Variants in GRIP1 observed in about 807,000 individuals in gnomAD.
The protein encoded by GRIP1 is glutamate receptor interacting protein 1, also known as glutamate receptor-interacting protein 1.
GRIP1 carries 45 observed loss-of-function variants against 129.9 expected under a neutral mutation model. The ratio of observed to expected loss-of-function variants is 0.35; its 90% CI spans 0.27 to 0.44. GRIP1 has a LOEUF of 0.44. Ranked by LOEUF, GRIP1 falls within the 20% of genes least tolerant of loss-of-function variation. The probability of loss-of-function intolerance (pLI) is 1.00; values close to 1 mark genes in which losing one functional copy is unlikely to be tolerated. For synonymous variants in GRIP1, 530 were observed against 520.8 expected (o/e 1.02, Z -0.24); for missense variants, 1,196 against 1,396.8 (o/e 0.86, Z 2.29).
chr12:66,909,134 T>C (rs1053814370), intron 1 of GRIP1, among the ~76,000 whole-genome samples: 3 of 152,238 alleles, frequency 2.0e-5, no homozygotes, highest in Non-Finnish European at 4.4e-5. Context: ...AAAAATCTCC[T>C]TCCTTCTCTC....
At chr12:66,833,267 T>C (rs1372077911) in intron 1 of GRIP1, among the ~76,000 whole-genome samples, 3 of 152,194 alleles carry the variant, frequency 2.0e-5, no homozygotes, top group Non-Finnish European at 4.4e-5. Context: ...CCTTCTGGAA[T>C]ATCCAGCTTC....
At chr12:66,790,209 T>C (rs1046682287) in intron 1 of GRIP1, among the ~76,000 whole-genome samples, 1 of 152,154 alleles carries the variant, frequency 6.6e-6, no homozygotes, top group Non-Finnish European at 1.5e-5. Flanking sequence ...GCGCAATCAA[T>C]GGTTATTGAA....
At chr12:66,597,061 C>T in intron 1 of GRIP1, 134 bp from the exon 2 acceptor site, 1 of 735,466 alleles carries the variant, frequency 1.4e-6, no homozygotes. Flanking sequence ...GGCCTGGGTC[C>T]TATACTTGGG....
chr12:66,810,186 A>C lies in GRIP1; in HGVS notation c.59-213259T>G, dbSNP rs1187470324. ...AAACCAGTATATTCACTGTACACTA[A>C]AACTGAAAAATACTTCATGTCTGTA... On this transcript the variant is annotated intron_variant, in intron 1 of 1. Coordinates refer to the GRIP1 transcript ENST00000643019. 2.6e-5 allele frequency among the ~76,000 whole-genome samples: 4 copies of C among 152,188 alleles called. 1 individual carries two copies. In the South Asian group the frequency reaches 8.3e-4, roughly 32 times the overall value.
chr12:66,614,389 A>G (rs2064946865), intron 1 of GRIP1, among the ~76,000 whole-genome samples: 1 of 152,002 alleles, frequency 6.6e-6, no homozygotes, highest in South Asian at 2.1e-4. Context: ...TAGCATCCTC[A>G]TCTCATCAGA....
At chr12:66,815,854 T>TTCTTTCTTTCTCTCTCTCTC (rs1555241802) in intron 1 of GRIP1, among the ~76,000 whole-genome samples, 10 of 116,832 alleles carry the variant, frequency 8.6e-5, no homozygotes, top group African/African-American at 3.2e-4. Flanking sequence ...CTTTCTTTCT[T>TTCTTTCTTTCTCTCTCTCTC]TCTCTCTCTC....
intron 7 of GRIP1, among the ~76,000 whole-genome samples, chr12:66,473,161 T>C (rs976618071): frequency 2.0e-5 from 3 of 152,048 alleles, no homozygotes; most frequent in African/African-American, 4.8e-5. Context: ...CCCTCAATAC[T>C]GGGGCTTGAG....
chr12:66,709,603 C>T (rs11176390), intron 1 of GRIP1, among the ~76,000 whole-genome samples: 1,784 of 151,884 alleles, frequency 0.012, 36 homozygotes, highest in African/African-American at 0.041. Flanking sequence ...ATGTATGTAA[C>T]ATACAGTGAA....
intron 1 of GRIP1, among the ~76,000 whole-genome samples, chr12:66,712,041 T>G (rs1001391776): frequency 3.3e-5 from 5 of 152,024 alleles, no homozygotes; most frequent in Admixed American, 1.3e-4. Context: ...TAGTGACAAG[T>G]TGTAGAAAAG....
At chr12:66,458,108 T>C (rs1415342665) in intron 9 of GRIP1, among the ~76,000 whole-genome samples, 1 of 152,250 alleles carries the variant, frequency 6.6e-6, no homozygotes, top group Non-Finnish European at 1.5e-5. Context: ...TTAGAGAATT[T>C]CTCAGAAATC....
At chr12:66,984,410 T>C (rs950889151) in intron 1 of GRIP1, among the ~76,000 whole-genome samples, 1 of 152,214 alleles carries the variant, frequency 6.6e-6, no homozygotes, top group African/African-American at 2.4e-5. Flanking sequence ...TTGATTGCTC[T>C]CAACAAATCT....
At chr12:66,433,663 T>C (rs2058215834) in intron 13 of GRIP1, among the ~76,000 whole-genome samples, 1 of 152,242 alleles carries the variant, frequency 6.6e-6, no homozygotes, top group Admixed American at 6.5e-5. Context: ...GACCTTTAAT[T>C]AATGATAAGG....
At chr12:66,563,065 CTG>C (rs1384173412) in intron 2 of GRIP1, among the ~76,000 whole-genome samples, 1 of 151,452 alleles carries the variant, frequency 6.6e-6, no homozygotes, top group Non-Finnish European at 1.5e-5. Context: ...GGTAGAAAAT[CTG>C]TGTTTATGTA....
chr12:66,704,911 C>T (rs1158929762), intron 1 of GRIP1, among the ~76,000 whole-genome samples: 1 of 152,050 alleles, frequency 6.6e-6, no homozygotes, highest in Non-Finnish European at 1.5e-5. Context: ...ACTGCCATAG[C>T]ATCCTGAAGT....
chr12:66,781,485 A>T (rs1779552883), intron 1 of GRIP1, among the ~76,000 whole-genome samples: 1 of 152,210 alleles, frequency 6.6e-6, no homozygotes, highest in African/African-American at 2.4e-5. Flanking sequence ...ATTGAGATAC[A>T]GTTCATATAC....
intron 1 of GRIP1, among the ~76,000 whole-genome samples, chr12:66,765,197 T>G (rs1283454208): frequency 6.6e-6 from 1 of 152,170 alleles, no homozygotes; most frequent in East Asian, 1.9e-4. Context: ...ATCTGCCTGG[T>G]GATGATATTT....
chr12:66,933,920 C>T (rs1001561363), intron 1 of GRIP1, among the ~76,000 whole-genome samples: 7 of 152,064 alleles, frequency 4.6e-5, no homozygotes, highest in Non-Finnish European at 1.0e-4. Context: ...TTTTTGATAA[C>T]CTTTACCTTG....
At chr12:66,921,067 C>G (rs1373552088) in intron 1 of GRIP1, among the ~76,000 whole-genome samples, 4 of 152,074 alleles carry the variant, frequency 2.6e-5, no homozygotes, top group African/African-American at 4.8e-5. Context: ...CTGATGTTAC[C>G]ATTAGAGGCA....
intron 2 of GRIP1, chr12:66,569,339 C>T (rs144518553): frequency 0.014 from 2,257 of 158,688 alleles, 61 homozygotes; most frequent in African/African-American, 0.052. Flanking sequence ...TAGCTGGGTG[C>T]GGTGGCAGGC....
Sources: gnomAD v4.1 joint callset for allele counts (sites outside exome capture counted in the v4.1 genomes callset) on GRCh38, gnomAD v4.1.1 for gene constraint, MANE v1.5 for transcripts, NCBI Gene and HGNC (gene_info 2026-07-23, HGNC 2026-07-21) for gene names.